Variants in DAB1 observed in about 807,000 individuals in gnomAD.
The protein encoded by DAB1 is DAB adaptor protein 1.
A neutral mutation model predicts 64.6 loss-of-function variants in DAB1; 15 were observed. The observed-to-expected ratio is 0.23, with a 90% CI of 0.16 to 0.36. The LOEUF (loss-of-function observed/expected upper bound fraction) is 0.36. Ranked by LOEUF, DAB1 falls within the 10% of genes least tolerant of loss-of-function variation. The probability of loss-of-function intolerance (pLI) is 1.00; values close to 1 mark genes in which losing one functional copy is unlikely to be tolerated. For synonymous variants in DAB1, 235 were observed against 251.9 expected (o/e 0.93, Z 0.64); for missense variants, 596 against 706.7 (o/e 0.84, Z 1.78).
chr1:57,203,759 CTG>C (rs67067915), intron 2 of DAB1, among the ~76,000 whole-genome samples: 1,815 of 152,298 alleles, frequency 0.012, 24 homozygotes, highest in African/African-American at 0.041. Flanking sequence ...TTCAACTGTT[CTG>C]TCTCTTGGTG....
chr1:57,614,158 C>T (rs986939121), intron 7 of DAB1, among the ~76,000 whole-genome samples: 3 of 152,074 alleles, frequency 2.0e-5, no homozygotes, highest in Non-Finnish European at 4.4e-5. Flanking sequence ...AAATGAGGGC[C>T]CTGGTGTGCC....
At chr1:57,243,809 C>T (rs1290051508) in intron 2 of DAB1, among the ~76,000 whole-genome samples, 6 of 152,160 alleles carry the variant, frequency 3.9e-5, no homozygotes, top group Non-Finnish European at 8.8e-5. Context: ...CATAGACCAA[C>T]CCCAACAACC....
intron 2 of DAB1, among the ~76,000 whole-genome samples, chr1:58,509,417 AAAAACC>A (rs1328798209): frequency 1.3e-5 from 2 of 151,932 alleles, no homozygotes; most frequent in Non-Finnish European, 2.9e-5. Context: ...TCAAGGAAAA[AAAAACC>A]AAAAAGAAAA....
At chr1:58,220,316 T>C (rs1253760505) in intron 4 of DAB1, among the ~76,000 whole-genome samples, 2 of 152,148 alleles carry the variant, frequency 1.3e-5, no homozygotes, top group Non-Finnish European at 2.9e-5. Flanking sequence ...GAGATTCTGA[T>C]TTAATTTGTG....
At chr1:57,658,677 C>T (rs1440437331) in intron 6 of DAB1, among the ~76,000 whole-genome samples, 1 of 152,168 alleles carries the variant, frequency 6.6e-6, no homozygotes, top group Non-Finnish European at 1.5e-5. Context: ...ATTCTCATGA[C>T]TCAGCCTCCC....
chr1:58,130,656 G>A (rs1365476456), intron 5 of DAB1, among the ~76,000 whole-genome samples: 1 of 151,768 alleles, frequency 6.6e-6, no homozygotes, highest in Admixed American at 6.6e-5. Flanking sequence ...AGGCCTGGTG[G>A]TGACAAAATC....
At chr1:58,027,791 A>G (rs1260355242) in intron 5 of DAB1, among the ~76,000 whole-genome samples, 2 of 152,200 alleles carry the variant, frequency 1.3e-5, no homozygotes, top group Non-Finnish European at 2.9e-5. Flanking sequence ...TGGGCCTGAC[A>G]AAAAAATCAT....
chr1:57,600,496 C>G (rs1224450033), intron 7 of DAB1, among the ~76,000 whole-genome samples: 1 of 152,124 alleles, frequency 6.6e-6, no homozygotes, highest in Admixed American at 6.6e-5. Flanking sequence ...AGCAAGGGTA[C>G]CATAGCCAAT....
chr1:57,779,234 A>G (rs1220104404), intron 6 of DAB1, among the ~76,000 whole-genome samples: 15 of 152,108 alleles, frequency 9.9e-5, no homozygotes, highest in Admixed American at 9.8e-4. Context: ...AATCAAGAAT[A>G]TAAAGAGACA....
At chr1:57,455,702 G>T (rs1686562949) in intron 7 of DAB1, among the ~76,000 whole-genome samples, 1 of 152,036 alleles carries the variant, frequency 6.6e-6, no homozygotes, top group South Asian at 2.1e-4. Flanking sequence ...GCTAAATTGG[G>T]TCTAGAAGGC....
chr1:58,488,221 T>C (rs1350403495), intron 3 of DAB1, among the ~76,000 whole-genome samples: 1 of 152,220 alleles, frequency 6.6e-6, no homozygotes, highest in Non-Finnish European at 1.5e-5. Flanking sequence ...TTGCTTTACA[T>C]GTGCGGAATT....
At chr1:57,427,480 A>G (rs1218903776), upstream of DAB1, among the ~76,000 whole-genome samples, 1 of 152,200 alleles carries the variant, frequency 6.6e-6, no homozygotes, top group Non-Finnish European at 1.5e-5. Context: ...GGAGCAGCCT[A>G]TGTAAGTGCT....
intron 4 of DAB1, among the ~76,000 whole-genome samples, chr1:58,314,125 G>C (rs1662496423): frequency 6.6e-6 from 1 of 152,062 alleles, no homozygotes; most frequent in African/African-American, 2.4e-5. Context: ...CCATGGACCT[G>C]ACTGAAGATT....
rs1557725992 is a variant in DAB1 at position 58,300,592 on chromosome 1, GAAA to G, written n.309+42757_309+42759del. 3.1e-3 allele frequency among the ~76,000 whole-genome samples: 104 copies of G among 33,940 alleles called. 1 individual carries two copies. Among genetic ancestry groups the G allele is most frequent in the African/African-American group, 9.7e-3 (98 of 10,132 alleles). The allele number at this position is 33,940 out of a possible 152,430, so 22.3% of individuals were successfully genotyped here. A position where few individuals can be genotyped will look rare whatever the true frequency, so the allele number is the denominator to read the frequency against. ...AGAAAGAAAGAAAGAAAGAAAGAAA[GAAA>G]GAAAGAAAGAAAGAAAGAGAGAGAG... On this transcript the variant is annotated intron_variant and non_coding_transcript_variant, in intron 4 of 20. Transcript: ENST00000485760.
chr1:57,210,068 G>C (rs916321325), intron 2 of DAB1, among the ~76,000 whole-genome samples: 1 of 152,138 alleles, frequency 6.6e-6, no homozygotes, highest in Admixed American at 6.6e-5. Flanking sequence ...AGATAATAAT[G>C]CCTAACTTCT....
chr1:58,303,537 T>G (rs1662222888), intron 4 of DAB1, among the ~76,000 whole-genome samples: 1 of 152,178 alleles, frequency 6.6e-6, no homozygotes, highest in South Asian at 2.1e-4. Context: ...CAAAGCATCA[T>G]AGCTGAAATC....
intron 2 of DAB1, among the ~76,000 whole-genome samples, chr1:58,506,610 T>C (rs536637442): frequency 3.1e-4 from 47 of 152,298 alleles, no homozygotes; most frequent in African/African-American, 1.0e-3. Flanking sequence ...AGCCCACTAT[T>C]TTCAGTATGA....
chr1:58,164,228 CAGA>C (rs10555859), intron 4 of DAB1, among the ~76,000 whole-genome samples: 7,597 of 148,550 alleles, frequency 0.051, 225 homozygotes, highest in Admixed American at 0.079. Context: ...GATCAAAGGT[CAGA>C]AGAGCTCCTT....
intron 2 of DAB1, among the ~76,000 whole-genome samples, chr1:57,203,901 T>A (rs759948647): frequency 2.6e-4 from 39 of 152,148 alleles, no homozygotes; most frequent in Admixed American, 3.9e-4. Flanking sequence ...TTTGTTTTGT[T>A]TTGTTTGAGA....
Sources: gnomAD v4.1 joint callset for allele counts (sites outside exome capture counted in the v4.1 genomes callset) on GRCh38, gnomAD v4.1.1 for gene constraint, MANE v1.5 for transcripts, NCBI Gene and HGNC (gene_info 2026-07-23, HGNC 2026-07-21) for gene names.